Variants in TBC1D14 observed in about 807,000 individuals in gnomAD.
The protein encoded by TBC1D14 is TBC1 domain family member 14.
Under a neutral mutation model 79.0 loss-of-function variants are expected in TBC1D14, and 26 were observed. The observed-to-expected ratio is 0.33, with a 90% CI of 0.24 to 0.46. The LOEUF is 0.46. Ranked by LOEUF, TBC1D14 falls within the 20% of genes least tolerant of loss-of-function variation. The pLI is 1.00. For synonymous variants in TBC1D14, 394 were observed against 349.9 expected, an observed-to-expected ratio of 1.13 and a Z score of -1.40; for missense variants, 769 against 887.6, an observed-to-expected ratio of 0.87 and a Z score of 1.70.
chr4:6,928,388 A>G (rs1273859862), intron 2 of TBC1D14, among the ~76,000 whole-genome samples: 1 of 152,182 alleles, frequency 6.6e-6, no homozygotes, highest in Non-Finnish European at 1.5e-5. Context: ...AGAGAAGAAT[A>G]TTGGTGGTTG....
intron 2 of TBC1D14, chr4:6,954,430 G>T: frequency 2.8e-6 from 2 of 716,238 alleles, no homozygotes; most frequent in South Asian, 1.5e-5. Context: ...GACAGCATGT[G>T]ACCGTCGGCC....
chr4:6,934,408 A>C (rs1158503211), intron 2 of TBC1D14, among the ~76,000 whole-genome samples: 1 of 152,074 alleles, frequency 6.6e-6, no homozygotes, highest in African/African-American at 2.4e-5. Flanking sequence ...ATGAGGACTC[A>C]GAATTGACTG....
intron 2 of TBC1D14, among the ~76,000 whole-genome samples, chr4:6,935,179 C>T (rs1712187200): frequency 6.6e-6 from 1 of 151,738 alleles, no homozygotes; most frequent in South Asian, 2.1e-4. Flanking sequence ...GGCTTTGCTA[C>T]AGAGTGGAGC....
chr4:6,945,274 C>T (rs1176710526), intron 2 of TBC1D14, among the ~76,000 whole-genome samples: 2 of 152,006 alleles, frequency 1.3e-5, no homozygotes, highest in Non-Finnish European at 2.9e-5. Flanking sequence ...CAGCACACAG[C>T]CTGGATCAGT....
intron 7 of TBC1D14, among the ~76,000 whole-genome samples, chr4:7,004,216 C>A (rs1247263646): frequency 6.6e-6 from 1 of 152,188 alleles, no homozygotes; most frequent in Non-Finnish European, 1.5e-5. Flanking sequence ...AGAGCTGTCA[C>A]AAAAATAAGT....
chr4:7,007,398 C>G (rs916840928), intron 9 of TBC1D14: 1 of 461,850 alleles, frequency 2.2e-6, no homozygotes, highest in Admixed American at 3.3e-5. Flanking sequence ...ATTCTTTGAG[C>G]CAGCAGACGT....
At chr4:6,977,800 G>A (rs1336712984) in intron 3 of TBC1D14, among the ~76,000 whole-genome samples, 1 of 133,398 alleles carries the variant, frequency 7.5e-6, no homozygotes, top group African/African-American at 2.8e-5. Context: ...AGTGAGGAGC[G>A]TCTCTGCCAG....
At chr4:6,941,152 G>GAAAC (rs1712864864) in intron 2 of TBC1D14, among the ~76,000 whole-genome samples, 1 of 149,904 alleles carries the variant, frequency 6.7e-6, no homozygotes, top group Admixed American at 6.6e-5. Flanking sequence ...GGTGGGCTGG[G>GAAAC]AAACTTGCCT....
rs1020564481 is a variant in TBC1D14, at chr4:7,009,671, A to G, written c.1447-206A>G. On this transcript the variant is annotated intron_variant, in intron 9 of 13. Transcript: ENST00000409757. Reference sequence around the variant, plus strand: ...TCCAGCTTCTTTTCAGAGCAGTTACATAGCGTGAGCTGCAGACTTCCCTAG... The same window carrying G: ...TCCAGCTTCTTTTCAGAGCAGTTACGTAGCGTGAGCTGCAGACTTCCCTAG... Among the ~76,000 whole-genome samples, 30 of 152,352 alleles carry G rather than the reference A, an allele frequency of 2.0e-4. 1 individual carries two copies. Among genetic ancestry groups the G allele is most frequent in the Middle Eastern group, 3.4e-3 (1 of 294 alleles).
intron 10 of TBC1D14, among the ~76,000 whole-genome samples, chr4:7,010,311 T>C (rs1394711958): frequency 1.3e-5 from 2 of 152,224 alleles, no homozygotes; most frequent in Non-Finnish European, 2.9e-5. Context: ...TGGTTTGATA[T>C]TAAGCTTATT....
At chr4:6,924,292 G>A (rs1375612451) in intron 2 of TBC1D14, among the ~76,000 whole-genome samples, 181 bp downstream of exon 2, 2 of 94,118 alleles carry the variant, frequency 2.1e-5, no homozygotes, top group African/African-American at 6.6e-5. Flanking sequence ...GGTCTGTTGG[G>A]GATTCTGTTC....
rs1212668815 is a variant in TBC1D14, at chr4:7,032,242, A to AG, written c.*1854dup. On this transcript the variant is annotated 3_prime_UTR_variant, in exon 14 of 14. Coordinates refer to ENST00000409757, the MANE Select transcript of TBC1D14 (RefSeq NM_020773.3). ...ATCTGGTCTGAGCTGGGCCTGTGGGAGGGGCCGCCTGAGGCCTGTGCGCTG... is the reference window on the plus strand; with the variant it reads ...ATCTGGTCTGAGCTGGGCCTGTGGGAGGGGGCCGCCTGAGGCCTGTGCGCTG... The AG allele has an allele frequency of 6.6e-6, 1 of 152,636 alleles. No individual in the cohort carries two copies. Among genetic ancestry groups the AG allele is most frequent in the Non-Finnish European group, 1.5e-5 (1 of 68,060 alleles). 9.5% of individuals were successfully genotyped at this position (152,636 alleles called of 1,614,324 possible).
intron 2 of TBC1D14, among the ~76,000 whole-genome samples, chr4:6,941,510 A>C (rs983441365): frequency 6.6e-6 from 1 of 152,038 alleles, no homozygotes; most frequent in African/African-American, 2.4e-5. Context: ...AGTTCTTACC[A>C]CTTTATGTTG....
chr4:7,030,469 C>A lies in TBC1D14; in HGVS notation c.*77C>A. 6.8e-7 allele frequency: 1 copy of A among 1,479,656 alleles called. No individual in the cohort carries two copies. The highest frequency in any genetic ancestry group is 9.4e-7 in the Non-Finnish European group (1 of 1,063,966). The allele number at this position is 1,479,656 out of a possible 1,614,324, so 91.7% of individuals were successfully genotyped here. A position where few individuals can be genotyped will look rare whatever the true frequency, so the allele number is the denominator to read the frequency against. ...CCCTCTGTTGTTTCAGACTGACACC[C>A]GGGCAGCCGAGAAGAACAGACGCTC... On this transcript the variant is annotated 3_prime_UTR_variant, in exon 14 of 14. Coordinates refer to ENST00000409757, the MANE Select transcript of TBC1D14 (RefSeq NM_020773.3).
Position 7,020,375 on chromosome 4 carries a change from A to G in TBC1D14, c.1758-4629A>G, listed in dbSNP as rs532826003. On this transcript the variant is annotated intron_variant, in intron 12 of 13. Coordinates refer to ENST00000409757, the MANE Select transcript of TBC1D14 (RefSeq NM_020773.3). ...GCTTTATTTAAGCTTCACAAAATCT[A>G]ATGAGGCTCAGTAGTAACCCTGTTC... is the stretch of plus-strand genomic sequence containing the variant. Among the ~76,000 whole-genome samples, 8 of 152,346 alleles carry G rather than the reference A, an allele frequency of 5.3e-5. No individual in the cohort carries two copies. In the South Asian group the frequency reaches 1.4e-3, roughly 28 times the overall value.
intron 3 of TBC1D14, among the ~76,000 whole-genome samples, chr4:6,989,275 CCTCT>C (rs1387373032): frequency 6.6e-6 from 1 of 152,096 alleles, no homozygotes; most frequent in Non-Finnish European, 1.5e-5. Flanking sequence ...CTCTGGCTCT[CCTCT>C]CTCTCCTGGG....
chr4:6,929,176 G>A (rs925490303), intron 2 of TBC1D14, among the ~76,000 whole-genome samples: 1 of 152,150 alleles, frequency 6.6e-6, no homozygotes, highest in Non-Finnish European at 1.5e-5. Flanking sequence ...ACTGTTTGCT[G>A]GTGTGTGGTC....
intron 2 of TBC1D14, among the ~76,000 whole-genome samples, chr4:6,931,636 G>A (rs1041890793): frequency 6.6e-6 from 1 of 152,182 alleles, no homozygotes; most frequent in African/African-American, 2.4e-5. Flanking sequence ...GCTTGTAAGG[G>A]TGTGCTGCTT....
chr4:6,911,524 C>G (rs1438929213), intron 1 of TBC1D14, among the ~76,000 whole-genome samples: 1 of 152,270 alleles, frequency 6.6e-6, no homozygotes, highest in Non-Finnish European at 1.5e-5. Flanking sequence ...CCAGCCTACC[C>G]TCTCACATTC....
Sources: allele counts gnomAD v4.1 joint callset (sites outside exome capture counted in the v4.1 genomes callset), GRCh38; gene constraint gnomAD v4.1.1; transcripts MANE v1.5; gene names NCBI Gene and HGNC (gene_info 2026-07-23, HGNC 2026-07-21).